The following TENM2 variants were observed in gnomAD, a reference collection of about 807,000 sequenced individuals.
TENM2 encodes teneurin-2.
A neutral mutation model predicts 245.2 loss-of-function variants in TENM2; 52 were observed. The ratio of observed to expected loss-of-function variants is 0.21; its 90% CI spans 0.17 to 0.27. TENM2 has a LOEUF of 0.27. TENM2 is among the 10% of genes least tolerant of loss of function. TENM2 has a pLI of 1.00. For missense variants in TENM2, 3,046 were observed against 3,666.8 expected (o/e 0.83, Z 4.37); for synonymous variants, 1,363 against 1,438.9 (o/e 0.95, Z 1.19).
chr5:167,010,887 T>C, the TENM2 span, among the ~76,000 whole-genome samples: 5 of 152,314 alleles, frequency 3.3e-5, no homozygotes, highest in African/African-American at 1.2e-4. Context: ...TAGGTATTAA[T>C]ATGTGCCTGG....
chr5:167,767,987 C>G (rs1434748643), intron 2 of TENM2, among the ~76,000 whole-genome samples: 1 of 152,192 alleles, frequency 6.6e-6, no homozygotes, highest in Non-Finnish European at 1.5e-5. Context: ...ATACAGCAGT[C>G]ATATGCTCAG....
At chr5:168,248,073 G>T (rs746622498) in exon 27 of TENM2, 2 of 1,613,894 alleles carry the variant, frequency 1.2e-6, no homozygotes, top group Non-Finnish European at 1.7e-6. Flanking sequence ...CTCTGGCTGT[G>T]TTCAGCATCA....
At chr5:167,459,232 G>A (rs1317900188) in intron 2 of TENM2, among the ~76,000 whole-genome samples, 2 of 152,172 alleles carry the variant, frequency 1.3e-5, no homozygotes, top group Non-Finnish European at 2.9e-5. Context: ...TATGTAAAGG[G>A]AATCCTACGA....
chr5:167,305,643 A>G (rs995057158), intron 1 of TENM2, among the ~76,000 whole-genome samples: 9 of 152,200 alleles, frequency 5.9e-5, no homozygotes, highest in Non-Finnish European at 1.5e-5. Flanking sequence ...ACTGTAAGCT[A>G]TTTGTTTTCC....
chr5:168,003,316 C>T (rs1475781792), intron 5 of TENM2, among the ~76,000 whole-genome samples: 4 of 123,850 alleles, frequency 3.2e-5, no homozygotes, highest in Non-Finnish European at 3.4e-5. Context: ...AACACACACA[C>T]ACACACACAC....
chr5:167,238,556 G>T, the TENM2 span, among the ~76,000 whole-genome samples: 115 of 152,280 alleles, frequency 7.6e-4, 1 homozygote, highest in African/African-American at 2.6e-3. Flanking sequence ...GAGTTCTACA[G>T]CCTCTGAGAT....
At chr5:167,791,103 C>T (rs1227193527) in intron 2 of TENM2, among the ~76,000 whole-genome samples, 2 of 152,050 alleles carry the variant, frequency 1.3e-5, no homozygotes, top group South Asian at 2.1e-4. Context: ...ATTGTAAACC[C>T]CAAGTGTGTG....
the TENM2 span, among the ~76,000 whole-genome samples, chr5:167,102,274 A>C: frequency 6.6e-6 from 1 of 152,104 alleles, no homozygotes; most frequent in African/African-American, 2.4e-5. Context: ...ATGTTGCCAC[A>C]GCTAATGATA....
chr5:168,160,839 A>G (rs1032423262), intron 12 of TENM2, among the ~76,000 whole-genome samples: 3 of 152,122 alleles, frequency 2.0e-5, no homozygotes, highest in Non-Finnish European at 4.4e-5. Context: ...TAACCTGGGC[A>G]ACATAGCAAG....
chr5:167,134,652 C>T, the TENM2 span, among the ~76,000 whole-genome samples: 1 of 152,138 alleles, frequency 6.6e-6, no homozygotes, highest in Non-Finnish European at 1.5e-5. Context: ...AAGTTAGAGA[C>T]CTACCATTAT....
At chr5:168,016,150 C>A (rs769622184) in intron 5 of TENM2, among the ~76,000 whole-genome samples, 2 of 152,168 alleles carry the variant, frequency 1.3e-5, no homozygotes, top group Non-Finnish European at 2.9e-5. Context: ...CACATTTAAC[C>A]CTCACAACAA....
rs1251070767 is a variant in TENM2 at position 167,342,769 on chromosome 5, C to T, written c.227-32429C>T. 5.3e-5 allele frequency among the ~76,000 whole-genome samples: 8 copies of T among 151,926 alleles called. No homozygotes were observed. The East Asian group carries it at 1.6e-3, about 30-fold the overall frequency. ...GTCTCGATCTCCTGACCTCATGATC[C>T]ACCCTCCTCGGCCTCCCAAAGTGCT... On this transcript the variant is annotated intron_variant, in intron 1 of 28. Coordinates refer to ENST00000518659, the Ensembl canonical transcript of TENM2.
chr5:167,374,737 G>C (rs982248740), intron 1 of TENM2, among the ~76,000 whole-genome samples: 2 of 151,982 alleles, frequency 1.3e-5, no homozygotes, highest in Non-Finnish European at 1.5e-5. Context: ...CATGGCCTTG[G>C]ATAAGTGCCT....
At chr5:167,194,955 C>T in the TENM2 span, among the ~76,000 whole-genome samples, 1 of 152,002 alleles carries the variant, frequency 6.6e-6, no homozygotes, top group African/African-American at 2.4e-5. Flanking sequence ...ACACTCTTAA[C>T]TACTACGCTA....
the TENM2 span, among the ~76,000 whole-genome samples, chr5:167,062,223 GCT>G: frequency 6.6e-6 from 1 of 151,944 alleles, no homozygotes; most frequent in Non-Finnish European, 1.5e-5. Context: ...TTTTGTTGTT[GCT>G]CTTTATCTTC....
intron 1 of TENM2, among the ~76,000 whole-genome samples, chr5:167,311,187 T>A (rs1055813034): frequency 6.6e-6 from 1 of 152,188 alleles, no homozygotes; most frequent in African/African-American, 2.4e-5. Flanking sequence ...TTTAGGTAAT[T>A]TGAAGGATTA....
At chr5:167,464,238 A>G (rs919932744) in intron 2 of TENM2, among the ~76,000 whole-genome samples, 1 of 152,148 alleles carries the variant, frequency 6.6e-6, no homozygotes, top group African/African-American at 2.4e-5. Context: ...TGAAGAAAAG[A>G]TGCTTTAGAG....
chr5:167,506,970 A>G (rs1365802029), intron 2 of TENM2, among the ~76,000 whole-genome samples: 2 of 152,218 alleles, frequency 1.3e-5, no homozygotes, highest in African/African-American at 4.8e-5. Flanking sequence ...TAATTACCCA[A>G]CAGACTTAAA....
At chr5:168,123,165 A>G (rs1312702196) in intron 10 of TENM2, among the ~76,000 whole-genome samples, 1 of 151,926 alleles carries the variant, frequency 6.6e-6, no homozygotes, top group Non-Finnish European at 1.5e-5. Flanking sequence ...TGGACATGGC[A>G]ATGTGTGTCC....
Sources: gnomAD v4.1 joint callset for allele counts (sites outside exome capture counted in the v4.1 genomes callset) on GRCh38, gnomAD v4.1.1 for gene constraint, MANE v1.5 for transcripts, NCBI Gene and HGNC (gene_info 2026-07-23, HGNC 2026-07-21) for gene names.